Variants in COG1 observed in about 807,000 individuals in gnomAD.
COG1 encodes the protein conserved oligomeric Golgi complex subunit 1.
COG1 carries 61 observed loss-of-function variants against 102.2 expected under a neutral mutation model. That is an observed-to-expected ratio of 0.60 (90% CI 0.49 to 0.74). COG1 has a LOEUF of 0.74. Among genes scored for constraint, COG1 ranks in the 30% least tolerant of loss-of-function variants. The pLI is 0.00. For missense variants in COG1, 1,164 were observed against 1,232.1 expected, an observed-to-expected ratio of 0.94 and a Z score of 0.83; for synonymous variants, 454 against 493.6, an observed-to-expected ratio of 0.92 and a Z score of 1.06.
chr17:73,200,661 T>G lies in COG1; in HGVS notation c.1166T>G (p.Leu389Ter), dbSNP rs1438957010. 1.9e-6 allele frequency: 3 copies of G among 1,614,020 alleles called. No homozygotes were observed. The African/African-American group carries it at 4.0e-5, about 22-fold the overall frequency. The change falls in exon 6 of 14, where the codon TTA (leucine) becomes TGA (stop). Residue 389 changes from leucine (L) to a stop codon, truncating the protein, a stop_gained. Coordinates refer to ENST00000299886, the MANE Select transcript of COG1 (RefSeq NM_018714.3). LOFTEE classifies it high-confidence loss of function. ...GGAATCCGGGACGCCATGTGGGAGTTACTTACCAATGAGTCCACCAATCAC... is the reference window on the plus strand; with the variant it reads ...GGAATCCGGGACGCCATGTGGGAGTGACTTACCAATGAGTCCACCAATCAC... ...LAGIRDAMWE[L>*]LTNESTNHSW...
At chr17:73,195,924 G>A (rs1055113699) in intron 1 of COG1, among the ~76,000 whole-genome samples, 1 of 152,200 alleles carries the variant, frequency 6.6e-6, no homozygotes, top group African/African-American at 2.4e-5. Context: ...TTCTTAGTAA[G>A]GAGGGACCTT....
intron 8 of COG1, 89 bp from the exon 9 acceptor site, chr17:73,203,543 T>C (rs778150621): frequency 4.0e-6 from 6 of 1,501,694 alleles, no homozygotes; most frequent in Non-Finnish European, 5.6e-6. Context: ...TCCTGGCACA[T>C]AGGCCTTGTA....
rs1335883131 is a variant in COG1, at chr17:73,200,012, G to C, written c.1061G>C (p.Trp354Ser). Reference protein sequence around the residue: ...QEYLKDTLQKWIHMCNEDIKN... With the variant: ...QEYLKDTLQKSIHMCNEDIKN... ...TACCTGAAAGACACGCTGCAGAAATGGATCCACATGTAAGTAACCAGAAAG... is the reference window on the plus strand; with the variant it reads ...TACCTGAAAGACACGCTGCAGAAATCGATCCACATGTAAGTAACCAGAAAG... The change falls in exon 5 of 14, where the codon TGG becomes TCG. Residue 354 changes from tryptophan (W) to serine (S), a missense_variant. Physicochemically the swap from Trp to Ser is radical, Grantham distance 177. Transcript: ENST00000299886. 1.2e-6 allele frequency: 2 copies of C among 1,611,994 alleles called. No homozygotes were observed. The highest frequency in any genetic ancestry group is 1.7e-6 in the Non-Finnish European group (2 of 1,179,086).
rs1169282204 is a variant in COG1 at position 73,201,153 on chromosome 17, G to A, written c.1326G>A (p.Lys442=). 9 of 1,614,172 alleles carry A rather than the reference G, an allele frequency of 5.6e-6. 1 individual carries two copies. The highest frequency in any genetic ancestry group is 2.2e-5 in the South Asian group (2 of 91,082). ...EGFDSISSSS[K]ELLVSALQEL... ...TTGACTCCATCTCCAGTAGCTCCAA[G>A]GAGCTCTTGGTTTCAGCTTTGCAGG... Residue 442 remains lysine, a synonymous_variant, in exon 7 of 14, where the codon AAG becomes AAA. Coordinates refer to ENST00000299886, the MANE Select transcript of COG1 (RefSeq NM_018714.3).
In COG1 at chr17:73,205,625, G is replaced by C. The variant is rs751017107; in HGVS notation, c.2455G>C (p.Val819Leu). 1.8e-5 allele frequency: 29 copies of C among 1,614,008 alleles called. No individual in the cohort carries two copies. The highest frequency in any genetic ancestry group is 2.4e-5 in the Non-Finnish European group (28 of 1,180,044). Residue 819 changes from valine (V) to leucine (L), a missense_variant, in exon 10 of 14, where the codon GTT becomes CTT. Physicochemically the swap from Val to Leu is conservative, Grantham distance 32. Coordinates refer to ENST00000299886, the MANE Select transcript of COG1 (RefSeq NM_018714.3). ...TTATGATCTGCGTTACCTCAACATT[G>C]TTCTGACAGCCAAGGGTGACGAGGT... ...LLYDLRYLNIVLTAKGDEVKS... is the reference protein window; with the variant it reads ...LLYDLRYLNILLTAKGDEVKS...
chr17:73,199,810 C>T lies in COG1; in HGVS notation c.914-55C>T, dbSNP rs1009110. The T allele has an allele frequency of 0.53, 850,264 of 1,608,056 alleles. 225,903 individuals are homozygous for T. Among genetic ancestry groups the T allele is most frequent in the East Asian group, 0.62 (27,727 of 44,788 alleles). On this transcript the variant is annotated intron_variant, in intron 4 of 13. Coordinates refer to ENST00000299886, the MANE Select transcript of COG1 (RefSeq NM_018714.3). ...GCTGGCCTGGCCTAACTCCCTGTTT[C>T]AATATGCACTTCAAAGGGTGGCCTA...
At chr17:73,207,584 A>C in intron 13 of COG1, 2 of 826,124 alleles carry the variant, frequency 2.4e-6, no homozygotes, top group Non-Finnish European at 3.6e-6. Flanking sequence ...GTTTGGAGAA[A>C]ATCTGTTTTG....
intron 13 of COG1, chr17:73,207,595 T>A: frequency 1.1e-6 from 1 of 900,194 alleles, no homozygotes; most frequent in South Asian, 1.4e-5. Context: ...ATCTGTTTTG[T>A]TCTGGTGATG....
intron 8 of COG1, 60 bp downstream of exon 8, chr17:73,203,206 T>C (rs890686127): frequency 3.4e-5 from 54 of 1,587,484 alleles, no homozygotes; most frequent in Non-Finnish European, 4.5e-5. Context: ...AGAAGAAAGA[T>C]TTTAGAAAAT....
At chr17:73,207,855 C>T (rs766817057) in intron 13 of COG1, 18 of 1,223,712 alleles carry the variant, frequency 1.5e-5, no homozygotes, top group African/African-American at 1.6e-5. Flanking sequence ...GTATCCTTTC[C>T]GTATTCCCTA....
Position 73,200,721 on chromosome 17 carries a change from A to G in COG1, c.1226A>G (p.Lys409Arg). 1 of 1,614,112 alleles carries G rather than the reference A, an allele frequency of 6.2e-7. No homozygotes were observed. The highest frequency in any genetic ancestry group is 1.3e-5 in the African/African-American group (1 of 75,030). ...GTGCTATGTCGGCGGCTTCTGGAGA[A>G]GCCGCTCTTGTTCTGGGAAGATATG... ...WDVLCRRLLE[K>R]PLLFWEDMMQ... Residue 409 changes from lysine (K) to arginine (R), a missense_variant, in exon 6 of 14, where the codon AAG becomes AGG. Lys to Arg is a conservative substitution (Grantham distance 26). Transcript: ENST00000299886.
Position 73,193,375 on chromosome 17 carries a change from G to A in COG1, c.306G>A (p.Arg102=). The change falls in exon 1 of 14, where the codon CGG becomes CGA. Residue 102 remains arginine, a synonymous_variant. Transcript: ENST00000299886. The part of the protein sequence containing the change: ...QAGSAAPRPP[R]AQQPQQPSQE... ...GCTCGGCCGCGCCCCGGCCACCGCG[G>A]GCCCAGCAGGTCAGTCCCCGTGCCC... The A allele has an allele frequency of 1.3e-6, 2 of 1,487,370 alleles. No homozygotes were observed. Among genetic ancestry groups the A allele is most frequent in the Non-Finnish European group, 1.8e-6 (2 of 1,124,040 alleles). The allele number at this position is 1,487,370 out of a possible 1,614,324, so 92.1% of individuals were successfully genotyped here.
Position 73,207,183 on chromosome 17 carries a change from T to C in COG1, c.2732T>C (p.Phe911Ser), listed in dbSNP as rs376508971. ...AATTCTTTCCTCTTGTTTTGGAGGT[T>C]TGGACTTCTCCCACTGAGCATGACA... ...ILPLASSQIR[F>S]GLLPLSMTST... The change falls in exon 13 of 14, where the codon TTT (phenylalanine) becomes TCT (serine). Residue 911 changes from phenylalanine to serine, a missense_variant and splice_region_variant. By Grantham distance (155) the Phe-to-Ser change is radical. Coordinates refer to ENST00000299886, the MANE Select transcript of COG1 (RefSeq NM_018714.3). The C allele has an allele frequency of 1.2e-5, 19 of 1,613,330 alleles. No individual in the cohort carries two copies. Among genetic ancestry groups the C allele is most frequent in the Non-Finnish European group, 1.4e-5 (16 of 1,179,912 alleles).
chr17:73,206,340 G>T, intron 11 of COG1, 78 bp downstream of exon 11: 1 of 1,100,272 alleles, frequency 9.1e-7, no homozygotes. Flanking sequence ...GCTCAAGCAC[G>T]TAATACTCCA....
intron 13 of COG1, chr17:73,207,885 C>G (rs2061387929): frequency 8.4e-7 from 1 of 1,186,466 alleles, no homozygotes; most frequent in African/African-American, 1.6e-5. Context: ...CCATTAAGAT[C>G]TAAAATCCTT....
At position 73,206,737 on chromosome 17, in the gene COG1, G is replaced by T. The variant is rs747707415; in HGVS notation, c.2649G>T (p.Glu883Asp). ...TGTTTGGATTGGTGACTGGTACAGA[G>T]AATCAGCTCGCCCCCCGGAGCAGTA... ...SVLFGLVTGT[E>D]NQLAPRSSTF... Residue 883 changes from glutamate to aspartate, a missense_variant, in exon 12 of 14, where the codon GAG becomes GAT. By Grantham distance (45) the Glu-to-Asp change is conservative (BLOSUM62 2). Coordinates refer to ENST00000299886, the MANE Select transcript of COG1 (RefSeq NM_018714.3). The T allele has an allele frequency of 3.1e-6, 5 of 1,612,144 alleles. No homozygotes were observed. In the African/African-American group the frequency reaches 6.7e-5, roughly 22 times the overall value.
rs1453548493 is a variant in COG1, at chr17:73,203,428, T to A, written c.2221-204T>A. 1.2e-5 allele frequency: 9 copies of A among 721,100 alleles called. No individual in the cohort carries two copies. In the Admixed American group the frequency reaches 2.0e-4, roughly 16 times the overall value. 44.7% of individuals were successfully genotyped at this position (721,100 alleles called of 1,614,324 possible). A position where few individuals can be genotyped will look rare whatever the true frequency, so the allele number is the denominator to read the frequency against. On this transcript the variant is annotated intron_variant, in intron 8 of 13. Transcript: ENST00000299886. Reference sequence around the variant, plus strand: ...ATAAAACACAGGCACCTCTTCGAGATCAGCCTCAGACCGTGGAGGCAGTAA... The same window carrying A: ...ATAAAACACAGGCACCTCTTCGAGAACAGCCTCAGACCGTGGAGGCAGTAA...
At position 73,193,331 on chromosome 17, in the gene COG1, G is replaced by T. The variant is rs1282778827; in HGVS notation, c.262G>T (p.Ala88Ser). ...DAVKATDQYC[A>S]RLRQAGSAAP... ...CGTGAAGGCCACCGACCAGTACTGC[G>T]CCCGCCTCCGCCAGGCCGGCTCGGC... The change falls in exon 1 of 14, where the codon GCC (alanine) becomes TCC (serine). Residue 88 changes from alanine to serine, a missense_variant. Coordinates refer to ENST00000299886, the MANE Select transcript of COG1 (RefSeq NM_018714.3). 1 of 1,532,800 alleles carries T rather than the reference G, an allele frequency of 6.5e-7. No homozygotes were observed. The highest frequency in any genetic ancestry group is 2.5e-5 in the East Asian group (1 of 39,966). The allele number at this position is 1,532,800 out of a possible 1,614,324, so 94.9% of individuals were successfully genotyped here.
chr17:73,193,549 A>G (rs1379892168), intron 1 of COG1, among the ~76,000 whole-genome samples, 165 bp downstream of exon 1: 1 of 151,914 alleles, frequency 6.6e-6, no homozygotes, highest in Non-Finnish European at 1.5e-5. Flanking sequence ...CTCAGAGGAC[A>G]GTGCCAGCCT....
Sources: gnomAD v4.1 joint callset for allele counts (sites outside exome capture counted in the v4.1 genomes callset) on GRCh38, gnomAD v4.1.1 for gene constraint, MANE v1.5 for transcripts, NCBI Gene and HGNC (gene_info 2026-07-23, HGNC 2026-07-21) for gene names.